The following TNS1 variants were observed in gnomAD, a reference collection of about 807,000 sequenced individuals.
TNS1 encodes the protein tensin-1.
Under a neutral mutation model 168.6 loss-of-function variants are expected in TNS1, and 62 were observed. The observed-to-expected ratio is 0.37, with a 90% CI of 0.30 to 0.45. The LOEUF is 0.45. Among genes scored for constraint, TNS1 ranks in the 20% least tolerant of loss-of-function variants. The pLI is 1.00. For synonymous variants in TNS1, 934 were observed against 933.2 expected (o/e 1.00, Z -0.02); for missense variants, 2,240 against 2,339.4 (o/e 0.96, Z 0.88).
chr2:217,866,222 C>T (rs1042646518), intron 18 of TNS1, among the ~76,000 whole-genome samples: 1 of 152,296 alleles, frequency 6.6e-6, no homozygotes, highest in South Asian at 2.1e-4. Context: ...GCCAAAGAGC[C>T]AGAATTCTAA....
chr2:218,028,724 T>C (rs1200919819), intron 1 of TNS1, among the ~76,000 whole-genome samples: 1 of 152,156 alleles, frequency 6.6e-6, no homozygotes, highest in Non-Finnish European at 1.5e-5. Flanking sequence ...TTACAGCTAC[T>C]CAGGCTGGGA....
chr2:217,893,402 A>ACG, intron 10 of TNS1, 37 bp downstream of exon 10: 12 of 446,712 alleles, frequency 2.7e-5, no homozygotes, highest in South Asian at 2.1e-4. Flanking sequence ...GCGCGCGCGC[A>ACG]CACACACACA....
chr2:217,805,712 CCA>C (rs916613557), intron 32 of TNS1, among the ~76,000 whole-genome samples: 5 of 127,616 alleles, frequency 3.9e-5, no homozygotes, highest in Non-Finnish European at 8.6e-5. Context: ...CATGCATACA[CCA>C]CACACACACC....
At position 217,848,732 on chromosome 2, in the gene TNS1, G is replaced by A. The variant is rs751593594; in HGVS notation, c.1785C>T (p.Gly595=). The change falls in exon 19 of 33, where the codon GGC becomes GGT. Residue 595 remains glycine, a synonymous_variant. Coordinates refer to ENST00000682258, the MANE Select transcript of TNS1 (RefSeq NM_001387777.1). ...GGCGTCCAGAGGAGGGCACAGCCGA[G>A]CCCCCTGCTGGGCGGGACCTGAGGT... ...TQHLRSRPAG[G]SAVPSSGRHV... is the part of the protein sequence containing the mutation. 53 of 1,614,094 alleles carry A rather than the reference G, an allele frequency of 3.3e-5. No individual in the cohort carries two copies. In the Admixed American group the frequency reaches 8.8e-4, roughly 27 times the overall value.
intron 1 of TNS1, among the ~76,000 whole-genome samples, chr2:218,027,553 AAG>A (rs1455990251): frequency 1.3e-5 from 2 of 152,022 alleles, no homozygotes; most frequent in East Asian, 3.9e-4. Context: ...AGACTGTCCC[AAG>A]CAGAACAGGT....
At chr2:217,947,877 C>T (rs1349821188) in intron 3 of TNS1, among the ~76,000 whole-genome samples, 3 of 152,192 alleles carry the variant, frequency 2.0e-5, no homozygotes, top group African/African-American at 7.2e-5. Flanking sequence ...AGCTCCTGCC[C>T]CGCGCCAAGC....
upstream of TNS1, among the ~76,000 whole-genome samples, chr2:218,006,055 A>G (rs1476600771): frequency 6.6e-6 from 1 of 152,238 alleles, no homozygotes; most frequent in Non-Finnish European, 1.5e-5. Flanking sequence ...CAGAAGCCTC[A>G]GAACCCAGCC....
chr2:217,862,219 T>G (rs1319499623), intron 18 of TNS1, among the ~76,000 whole-genome samples: 1 of 152,030 alleles, frequency 6.6e-6, no homozygotes, highest in African/African-American at 2.4e-5. Context: ...GGGCAGGGCA[T>G]GGCAAATCTG....
chr2:217,940,424 C>T (rs1480740401), intron 3 of TNS1, among the ~76,000 whole-genome samples: 1 of 152,148 alleles, frequency 6.6e-6, no homozygotes, highest in South Asian at 2.1e-4. Flanking sequence ...CACTGGCAGC[C>T]GAGAGCCTTT....
At chr2:217,805,546 C>T (rs1230819910) in intron 32 of TNS1, among the ~76,000 whole-genome samples, 4 of 1,806 alleles carry the variant, frequency 2.2e-3, no homozygotes, top group African/African-American at 3.0e-3. Flanking sequence ...ACACACACCA[C>T]CACACACCAC....
At chr2:217,898,720 C>T (rs889940921) in intron 7 of TNS1, among the ~76,000 whole-genome samples, 2 of 152,206 alleles carry the variant, frequency 1.3e-5, no homozygotes, top group Non-Finnish European at 2.9e-5. Flanking sequence ...GCTGCAGTGG[C>T]GGGCAGCCGC....
rs78760428 is a variant in TNS1 at position 217,933,283 on chromosome 2, G to A, written c.187-13047C>T. ...GGAAGAAGACCTGGCTCTCTGACTC[G>A]GAAAACACTGAGAGATTTTAAACGG... is the stretch of plus-strand genomic sequence containing the variant. On this transcript the variant is annotated intron_variant, in intron 3 of 32. Transcript: ENST00000682258. 1.5e-4 allele frequency among the ~76,000 whole-genome samples: 23 copies of A among 152,268 alleles called. No individual in the cohort carries two copies. The East Asian group carries it at 3.7e-3, about 24-fold the overall frequency.
intron 18 of TNS1, among the ~76,000 whole-genome samples, chr2:217,863,970 G>A (rs1559262168): frequency 6.6e-6 from 1 of 152,186 alleles, no homozygotes. Context: ...GGCCATCGGA[G>A]CAGGACAAGC....
At chr2:217,968,449 A>T (rs1038470645) in intron 3 of TNS1, among the ~76,000 whole-genome samples, 1 of 152,214 alleles carries the variant, frequency 6.6e-6, no homozygotes. Flanking sequence ...AAGATAAATC[A>T]TCACTACACA....
chr2:217,993,902 A>G (rs1203939364), intron 1 of TNS1, among the ~76,000 whole-genome samples: 1 of 152,228 alleles, frequency 6.6e-6, no homozygotes, highest in Non-Finnish European at 1.5e-5. Context: ...TGTTCTTTGC[A>G]CTGTATTTTC....
rs1276298715 is a variant in TNS1 at position 217,848,951 on chromosome 2, T to A, written c.1566A>T (p.Glu522Asp). 4 of 1,614,014 alleles carry A rather than the reference T, an allele frequency of 2.5e-6. No individual in the cohort carries two copies. The highest frequency in any genetic ancestry group is 3.4e-6 in the Non-Finnish European group (4 of 1,179,972). Residue 522 changes from glutamate (E) to aspartate (D), a missense_variant, in exon 19 of 33, where the codon GAA (glutamate) becomes GAT (aspartate). Glu to Asp is a conservative substitution (Grantham distance 45, BLOSUM62 2). Transcript: ENST00000682258. ...AGTCGCTGCTCACAGAAAGCGTGTG[T>A]TCCACGTGGTTGGGGGTGGCCGACA... Reference protein sequence around the residue: ...PTLSATPNHVEHTLSVSSDSG... With the variant: ...PTLSATPNHVDHTLSVSSDSG...
intron 1 of TNS1, among the ~76,000 whole-genome samples, chr2:217,999,794 C>T (rs901233126): frequency 6.6e-5 from 10 of 152,230 alleles, no homozygotes; most frequent in African/African-American, 7.2e-5. Flanking sequence ...GACACCAACT[C>T]CAGGAAACAA....
intron 22 of TNS1, among the ~76,000 whole-genome samples, chr2:217,827,813 G>C (rs1337462421): frequency 6.6e-6 from 1 of 152,178 alleles, no homozygotes; most frequent in Non-Finnish European, 1.5e-5. Flanking sequence ...TGTAAGATGA[G>C]AGTAACTCAG....
At chr2:217,847,446 C>A (rs573082846) in intron 19 of TNS1, 64 bp downstream of exon 19, 151 of 1,357,208 alleles carry the variant, frequency 1.1e-4, no homozygotes, top group Non-Finnish European at 1.5e-4. Context: ...GCTGGACCTG[C>A]ACCTCCCCCC....
Sources: gnomAD v4.1 joint callset for allele counts (sites outside exome capture counted in the v4.1 genomes callset) on GRCh38, gnomAD v4.1.1 for gene constraint, MANE v1.5 for transcripts, NCBI Gene and HGNC (gene_info 2026-07-23, HGNC 2026-07-21) for gene names.